The following HECTD4 variants were observed in gnomAD, a reference collection of about 807,000 sequenced individuals.
HECTD4 encodes the protein HECT domain E3 ubiquitin protein ligase 4.
In HECTD4, 114 loss-of-function variants were observed where a neutral mutation model predicts 471.5. The ratio of observed to expected loss-of-function variants is 0.24; its 90% confidence interval spans 0.21 to 0.28. The LOEUF (loss-of-function observed/expected upper bound fraction) is 0.28. HECTD4 is among the 10% of genes least tolerant of loss of function. The probability of loss-of-function intolerance (pLI) is 1.00; values close to 1 mark genes in which losing one functional copy is unlikely to be tolerated. For missense variants in HECTD4, 3,866 were observed against 5,651.5 expected, an observed-to-expected ratio of 0.68 and a Z score of 10.13; for synonymous variants, 2,012 against 2,256.0, an observed-to-expected ratio of 0.89 and a Z score of 3.07.
At chr12:112,180,991 G>A (rs1319065514) in intron 62 of HECTD4, among the ~76,000 whole-genome samples, 1 of 151,900 alleles carries the variant, frequency 6.6e-6, no homozygotes, top group East Asian at 1.9e-4. Flanking sequence ...ATTGGGCACG[G>A]TGGCTCACGC....
Position 112,192,659 on chromosome 12 carries a change from G to A in HECTD4, c.9193C>T (p.Arg3065Trp), listed in dbSNP as rs371304274. Residue 3065 changes from arginine to tryptophan, a missense_variant, in exon 59 of 76, where the codon CGG becomes TGG. Transcript: ENST00000682272. ...CCAGTGTTGGCTGGGGACGCGTCCC[G>A]CGGGTAACAGGCGGCCTCGATGAGG... ...LNLIEAACYP[R>W]DASPANTGLA... 14 of 1,606,812 alleles carry A rather than the reference G, an allele frequency of 8.7e-6. No homozygotes were observed. The highest frequency in any genetic ancestry group is 1.2e-5 in the Non-Finnish European group (14 of 1,177,034).
At chr12:112,308,702 T>C in intron 6 of HECTD4, 51 bp downstream of exon 6, 1 of 1,472,674 alleles carries the variant, frequency 6.8e-7, no homozygotes, top group Non-Finnish European at 9.1e-7. Flanking sequence ...ATAGGAACTT[T>C]CTTTATTGCC....
chr12:112,203,618 G>T lies in HECTD4; in HGVS notation c.8406+18C>A. 1 of 1,607,108 alleles carries T rather than the reference G, an allele frequency of 6.2e-7. No homozygotes were observed. Among genetic ancestry groups the T allele is most frequent in the Non-Finnish European group, 8.5e-7 (1 of 1,175,428 alleles). ...TATATATAAAATAGCTTATTAATCA[G>T]AATGGCTGTTCACTCACTGAATCAA... On this transcript the variant is annotated intron_variant, in intron 54 of 75. Transcript: ENST00000682272.
chr12:112,247,447 A>T lies in HECTD4; in HGVS notation c.4337+15T>A. ...CAAGGTGATAATAGCCTTAATAGTT[A>T]TTAATACGACTAACCTCAGTGATAG... On this transcript the variant is annotated intron_variant, in intron 28 of 75. Transcript: ENST00000682272. The T allele has an allele frequency of 7.4e-7, 1 of 1,358,884 alleles. No homozygotes were observed. Among genetic ancestry groups the T allele is most frequent in the Non-Finnish European group, 1.0e-6 (1 of 989,878 alleles). The allele number at this position is 1,358,884 out of a possible 1,614,324, so 84.2% of individuals were successfully genotyped here. A position where few individuals can be genotyped will look rare whatever the true frequency, so the allele number is the denominator to read the frequency against.
chr12:112,332,143 G>GAAGTATTTCTTGTATACAAGAAAAACAA (rs1458671941), intron 1 of HECTD4, among the ~76,000 whole-genome samples: 152 of 152,130 alleles, frequency 1.0e-3, no homozygotes, highest in African/African-American at 3.4e-3. Flanking sequence ...AGCAGAAATA[G>GAAGTATTTCTTGTATACAAGAAAAACAA]GAAGTTACTG....
chr12:112,237,506 G>C (rs2033539850), intron 34 of HECTD4, among the ~76,000 whole-genome samples: 1 of 152,180 alleles, frequency 6.6e-6, no homozygotes, highest in African/African-American at 2.4e-5. Context: ...TTATGAAAAA[G>C]TATTTGTTGT....
rs367800883 is a variant in HECTD4, at chr12:112,381,905, G to A, written c.177+47C>T. On this transcript the variant is annotated intron_variant, in intron 1 of 75. Transcript: ENST00000682272. The surrounding 1 kb of genome is among the most constrained non-coding windows in gnomAD (Gnocchi z 4.1). ...AGGGGGCCCGACCCGGGGGTGCCGG[G>A]CGAGTGGGTCAGTCCGATGGCGGGG... is the stretch of plus-strand genomic sequence containing the variant. 8.3e-7 allele frequency: 1 copy of A among 1,200,966 alleles called. No homozygotes were observed. The highest frequency in any genetic ancestry group is 3.3e-5 in the East Asian group (1 of 30,656). The allele number at this position is 1,200,966 out of a possible 1,614,324, so 74.4% of individuals were successfully genotyped here. A position where few individuals can be genotyped will look rare whatever the true frequency, so the allele number is the denominator to read the frequency against.
chr12:112,351,642 G>C (rs1346764061), intron 1 of HECTD4, among the ~76,000 whole-genome samples: 1 of 152,206 alleles, frequency 6.6e-6, no homozygotes. Context: ...AGGGGTAAAA[G>C]TGAAAGGTGT....
intron 2 of HECTD4, among the ~76,000 whole-genome samples, chr12:112,315,180 C>A (rs2035453647): frequency 6.6e-6 from 1 of 152,146 alleles, no homozygotes; most frequent in Admixed American, 6.6e-5. Context: ...AAAGAAGGTG[C>A]TTTTAAGATG....
At chr12:112,269,655 C>T in intron 13 of HECTD4, 49 bp downstream of exon 13, 1 of 1,600,448 alleles carries the variant, frequency 6.2e-7, no homozygotes, top group South Asian at 1.1e-5. Context: ...CAATGCCTTG[C>T]AGAAGAATCA....
At chr12:112,305,993 G>A in intron 7 of HECTD4, 71 bp downstream of exon 7, 1 of 1,458,306 alleles carries the variant, frequency 6.9e-7, no homozygotes, top group Non-Finnish European at 9.3e-7. Context: ...TAGGCCCTTT[G>A]CACACCAATA....
chr12:112,319,726 G>A lies in HECTD4; in HGVS notation c.194C>T (p.Thr65Ile). 8.0e-7 allele frequency: 1 copy of A among 1,246,152 alleles called. No individual in the cohort carries two copies. The highest frequency in any genetic ancestry group is 1.0e-6 in the Non-Finnish European group (1 of 995,750). 77.2% of individuals were successfully genotyped at this position (1,246,152 alleles called of 1,614,324 possible). Residue 65 changes from threonine to isoleucine, a missense_variant, in exon 2 of 76, where the codon ACC (threonine) becomes ATC (isoleucine). Transcript: ENST00000682272. This position sits in a 1 kb window ranked among gnomAD's most constrained non-coding sequence, Gnocchi z 5.3. ...TTCTGCTAATTCCGACGGGTTCTTGGTCTCAAAGGTTAAAATCTAAGGAAA... is the reference window on the plus strand; with the variant it reads ...TTCTGCTAATTCCGACGGGTTCTTGATCTCAAAGGTTAAAATCTAAGGAAA... ...DTDLEILTFE[T>I]KNPSELAERL...
intron 8 of HECTD4, among the ~76,000 whole-genome samples, chr12:112,281,885 G>C (rs947509277): frequency 6.6e-6 from 1 of 152,044 alleles, no homozygotes; most frequent in African/African-American, 2.4e-5. Flanking sequence ...GCAGTTCATA[G>C]TTTGCTATAA....
At chr12:112,204,730 GT>G (rs1566071370) in intron 52 of HECTD4, 107 bp from the exon 53 acceptor site, 3 of 882,526 alleles carry the variant, frequency 3.4e-6, no homozygotes, top group Non-Finnish European at 5.2e-6. Flanking sequence ...TTCAAACATT[GT>G]TTATGAAAGT....
rs772076146 is a variant in HECTD4 at position 112,219,451 on chromosome 12, G to C, written c.7009C>G (p.Leu2337Val). ...LAVVEVQCERLRMLYRDCARP... is the reference protein window; with the variant it reads ...LAVVEVQCERVRMLYRDCARP... The stretch of plus-strand genomic sequence containing the variant: ...GCACAGTCCCGGTAGAGCATCCTCA[G>C]CCGTTCACACTGTACCTCCACAACT... The change falls in exon 45 of 76, where the codon CTG (leucine) becomes GTG (valine). Residue 2337 changes from leucine (L) to valine (V), a missense_variant. This residue lies in a region of HECTD4 where 617 missense variants were observed against 915.1 expected (regional missense o/e 0.67). Transcript: ENST00000682272. 6.2e-7 allele frequency: 1 copy of C among 1,613,864 alleles called. No individual in the cohort carries two copies. The highest frequency in any genetic ancestry group is 1.3e-5 in the African/African-American group (1 of 75,040).
intron 7 of HECTD4, among the ~76,000 whole-genome samples, chr12:112,285,247 G>A (rs2034726031): frequency 6.6e-6 from 1 of 152,070 alleles, no homozygotes; most frequent in African/African-American, 2.4e-5. Flanking sequence ...CTCTTTGCTG[G>A]TCAACATCTT....
chr12:112,333,203 T>C (rs1022234594), intron 1 of HECTD4, among the ~76,000 whole-genome samples: 2 of 152,252 alleles, frequency 1.3e-5, no homozygotes, highest in Non-Finnish European at 2.9e-5. Flanking sequence ...CCATCCCCCT[T>C]GTGTAAATAT....
chr12:112,228,020 A>G lies in HECTD4; in HGVS notation c.6854+69T>C. The stretch of plus-strand genomic sequence containing the variant: ...CACTAAGTTGGGAGTGGAGGGGCCC[A>G]CCAAGGATCCCTTCTTCTGTCAGCT... On this transcript the variant is annotated intron_variant, in intron 43 of 75. Transcript: ENST00000682272. This position sits in a 1 kb window ranked among gnomAD's most constrained non-coding sequence, Gnocchi z 4.9. 7.0e-7 allele frequency: 1 copy of G among 1,438,020 alleles called. No individual in the cohort carries two copies. The highest frequency in any genetic ancestry group is 9.3e-7 in the Non-Finnish European group (1 of 1,077,860). The allele number at this position is 1,438,020 out of a possible 1,614,324, so 89.1% of individuals were successfully genotyped here. A position where few individuals can be genotyped will look rare whatever the true frequency, so the allele number is the denominator to read the frequency against.
intron 1 of HECTD4, among the ~76,000 whole-genome samples, chr12:112,358,377 A>G (rs2036384186): frequency 6.6e-6 from 1 of 152,162 alleles, no homozygotes; most frequent in South Asian, 2.1e-4. Context: ...GCTATTCAGG[A>G]GCCCGAAGCA....
Sources: gnomAD v4.1 joint callset for allele counts (sites outside exome capture counted in the v4.1 genomes callset) on GRCh38, gnomAD v4.1.1 for gene constraint, gnomAD v4.1.1 regional missense constraint, Gnocchi (gnomAD v3.1) non-coding constraint, MANE v1.5 for transcripts, NCBI Gene and HGNC (gene_info 2026-07-23, HGNC 2026-07-21) for gene names.